The following TMEM135 variants were observed in gnomAD, a reference collection of about 807,000 sequenced individuals.
TMEM135 encodes peroxisomal membrane protein 52.
A neutral mutation model predicts 60.3 loss-of-function variants in TMEM135; 30 were observed. That is an observed-to-expected ratio of 0.50 (90% CI 0.37 to 0.68). The LOEUF is 0.68. Ranked by LOEUF, TMEM135 falls within the 30% of genes least tolerant of loss-of-function variation. The pLI is 0.00. For missense variants in TMEM135, 468 were observed against 548.8 expected (o/e 0.85, Z 1.47); for synonymous variants, 190 against 186.7 (o/e 1.02, Z -0.14).
At chr11:87,180,766 A>G (rs968971452) in intron 5 of TMEM135, among the ~76,000 whole-genome samples, 3 of 152,198 alleles carry the variant, frequency 2.0e-5, no homozygotes, top group Admixed American at 1.3e-4. Context: ...TGAAGCTAAC[A>G]GGGTTGATTG....
chr11:87,097,058 A>G lies in TMEM135; in HGVS notation c.396+5663A>G, dbSNP rs1857347094. On this transcript the variant is annotated intron_variant, in intron 4 of 14. Transcript: ENST00000305494. ...GTCACCCAGGCTGGAGTGCGGCGGC[A>G]TGATCTTGGCTCACTGCAACCTCTG... 2.7e-5 allele frequency among the ~76,000 whole-genome samples: 4 copies of G among 150,688 alleles called. 1 individual carries two copies. The South Asian group carries it at 6.3e-4, about 24-fold the overall frequency.
intron 4 of TMEM135, among the ~76,000 whole-genome samples, chr11:87,155,965 A>G (rs1184043740): frequency 1.3e-5 from 2 of 152,212 alleles, no homozygotes; most frequent in African/African-American, 4.8e-5. Flanking sequence ...AATGGACAGT[A>G]TGTACTGTTT....
chr11:87,159,591 G>GCACACACACACACA (rs757338413), intron 5 of TMEM135, among the ~76,000 whole-genome samples: 2 of 81,306 alleles, frequency 2.5e-5, no homozygotes, highest in African/African-American at 9.9e-5. Context: ...ATACACACAC[G>GCACACACACACACA]CGCACACACA....
chr11:87,291,956 C>G (rs1358950512), intron 6 of TMEM135, among the ~76,000 whole-genome samples: 1 of 152,218 alleles, frequency 6.6e-6, no homozygotes, highest in Admixed American at 6.5e-5. Context: ...CTCCCTCTCT[C>G]CACCCTGATT....
intron 9 of TMEM135, among the ~76,000 whole-genome samples, chr11:87,307,541 G>T (rs1003206529): frequency 6.6e-6 from 1 of 152,100 alleles, no homozygotes; most frequent in Non-Finnish European, 1.5e-5. Flanking sequence ...GAAATTTGGC[G>T]TGGGGAAGGT....
chr11:87,077,644 AATTC>A (rs1445358176), intron 3 of TMEM135, among the ~76,000 whole-genome samples: 1 of 152,176 alleles, frequency 6.6e-6, no homozygotes, highest in African/African-American at 2.4e-5. Flanking sequence ...AAAACTGCAC[AATTC>A]ATTTGTTTTT....
At chr11:87,156,195 T>C (rs1436674618) in intron 4 of TMEM135, among the ~76,000 whole-genome samples, 2 of 152,208 alleles carry the variant, frequency 1.3e-5, no homozygotes, top group Non-Finnish European at 2.9e-5. Context: ...TATTTTTGGG[T>C]TCTCTGTTCT....
chr11:87,042,770 A>G (rs1345472922), intron 1 of TMEM135, among the ~76,000 whole-genome samples: 6 of 151,340 alleles, frequency 4.0e-5, no homozygotes, highest in Non-Finnish European at 7.4e-5. Context: ...CTTGTTCTAT[A>G]CATTTGCCCT....
At chr11:87,165,775 C>G (rs897970332) in intron 5 of TMEM135, among the ~76,000 whole-genome samples, 1 of 150,688 alleles carries the variant, frequency 6.6e-6, no homozygotes, top group Non-Finnish European at 1.5e-5. Flanking sequence ...ACACAAAAAA[C>G]CCTTCAAAAA....
intron 5 of TMEM135, among the ~76,000 whole-genome samples, chr11:87,198,514 C>T (rs534260137): frequency 2.0e-5 from 3 of 147,412 alleles, no homozygotes; most frequent in Admixed American, 6.9e-5. Flanking sequence ...CTCTCCTCCC[C>T]GCTCTGTTTC....
intron 6 of TMEM135, among the ~76,000 whole-genome samples, chr11:87,264,760 A>G (rs7952278): frequency 0.35 from 53,555 of 151,672 alleles, 10,014 homozygotes; most frequent in Non-Finnish European, 0.42. Context: ...AATAAAGTCA[A>G]AAAAATCTTA....
At chr11:87,149,106 T>G (rs1222402904) in intron 4 of TMEM135, among the ~76,000 whole-genome samples, 1 of 151,936 alleles carries the variant, frequency 6.6e-6, no homozygotes, top group Non-Finnish European at 1.5e-5. Flanking sequence ...TATTTCTCAT[T>G]TAAAAAAAGT....
intron 4 of TMEM135, among the ~76,000 whole-genome samples, chr11:87,093,097 C>T (rs1857246876): frequency 6.6e-6 from 1 of 152,132 alleles, no homozygotes; most frequent in Non-Finnish European, 1.5e-5. Flanking sequence ...TTATGTCCCT[C>T]TTCATATTTT....
chr11:87,200,786 C>T (rs1940076193), intron 5 of TMEM135, among the ~76,000 whole-genome samples: 1 of 152,166 alleles, frequency 6.6e-6, no homozygotes, highest in African/African-American at 2.4e-5. Context: ...CTTCCCTCTG[C>T]CCAAACCCCT....
At chr11:87,068,776 A>T (rs1856716126) in intron 2 of TMEM135, among the ~76,000 whole-genome samples, 1 of 146,950 alleles carries the variant, frequency 6.8e-6, no homozygotes, top group Admixed American at 6.9e-5. Flanking sequence ...GCGCCATTGC[A>T]CTCCAGCTTG....
Position 87,325,911 on chromosome 11 carries a change from G to A in TMEM135, c.*4578G>A, listed in dbSNP as rs532176432. ...TTTTTTTTCCATCTGTCCCTCCTAC[G>A]AATATGTTTTACATGAAATAATGTA... On this transcript the variant is annotated 3_prime_UTR_variant, in exon 15 of 15. Transcript: ENST00000305494. The A allele has an allele frequency of 2.4e-4, 109 of 453,496 alleles. No individual in the cohort carries two copies. The highest frequency in any genetic ancestry group is 3.8e-4 in the Non-Finnish European group (86 of 226,692). 28.1% of individuals were successfully genotyped at this position (453,496 alleles called of 1,614,324 possible).
chr11:87,042,700 C>T (rs1949760296), intron 1 of TMEM135, among the ~76,000 whole-genome samples: 1 of 152,178 alleles, frequency 6.6e-6, no homozygotes, highest in Admixed American at 6.5e-5. Context: ...ATCTGCTTTT[C>T]ATTGGAAACA....
chr11:87,116,822 A>G (rs1857897934), intron 4 of TMEM135, among the ~76,000 whole-genome samples: 1 of 151,576 alleles, frequency 6.6e-6, no homozygotes, highest in Admixed American at 6.6e-5. Flanking sequence ...GCAAAGCATT[A>G]TGGTTTGTTT....
chr11:87,093,099 T>G (rs1857246999), intron 4 of TMEM135, among the ~76,000 whole-genome samples: 1 of 152,218 alleles, frequency 6.6e-6, no homozygotes, highest in South Asian at 2.1e-4. Context: ...ATGTCCCTCT[T>G]CATATTTTCT....
Sources: gnomAD v4.1 joint callset for allele counts (sites outside exome capture counted in the v4.1 genomes callset) on GRCh38, gnomAD v4.1.1 for gene constraint, MANE v1.5 for transcripts, NCBI Gene and HGNC (gene_info 2026-07-23, HGNC 2026-07-21) for gene names.